The following IL17REL variants were observed in gnomAD, a reference collection of about 807,000 sequenced individuals.
The protein encoded by IL17REL is interleukin 17 receptor E like, also known as interleukin-17 receptor E-like protein.
In IL17REL, 36 loss-of-function variants were observed where a neutral mutation model predicts 49.0. That is an observed-to-expected ratio of 0.73 (90% CI 0.56 to 0.97). IL17REL has a LOEUF of 0.97. Among genes scored for constraint, IL17REL ranks in the 50% least tolerant of loss-of-function variants. The pLI, the probability that IL17REL is intolerant of heterozygous loss-of-function variation, is 0.00. For missense variants in IL17REL, 470 were observed against 453.9 expected (o/e 1.04, Z -0.32); for synonymous variants, 206 against 192.4 (o/e 1.07, Z -0.58).
At chr22:49,998,402 C>T in intron 7 of IL17REL, 93 bp from the exon 10 acceptor site, 1 of 1,218,624 alleles carries the variant, frequency 8.2e-7, no homozygotes, top group South Asian at 1.5e-5. Flanking sequence ...GACCACTGGG[C>T]CAGGGTCCAG....
intron 1 of IL17REL, among the ~76,000 whole-genome samples, chr22:50,006,334 T>A (rs1004305780): frequency 1.3e-5 from 2 of 152,044 alleles, no homozygotes; most frequent in Non-Finnish European, 2.9e-5. Context: ...GAATCTGGTT[T>A]AAACGGCCCC....
chr22:50,009,822 A>G (rs1051970025), upstream of IL17REL, among the ~76,000 whole-genome samples: 1 of 150,430 alleles, frequency 6.6e-6, no homozygotes. Context: ...TTAGATTTAC[A>G]GAGAGTTTAC....
At position 49,997,213 on chromosome 22, in the gene IL17REL, G is replaced by T; in HGVS notation, c.974+107C>A. The T allele has an allele frequency of 2.1e-6, 3 of 1,404,256 alleles. 1 individual carries two copies. The highest frequency in any genetic ancestry group is 3.0e-6 in the Non-Finnish European group (3 of 1,014,276). The allele number at this position is 1,404,256 out of a possible 1,614,324, so 87.0% of individuals were successfully genotyped here. On this transcript the variant is annotated intron_variant, in intron 11 of 12. Transcript: ENST00000341280. ...TCCCTGCCAGGTAGACTAGACCCTG[G>T]GTGGGCTCAGGGCCCGGGTGGGGCA...
exon 12 of IL17REL, chr22:49,997,002 A>G: frequency 6.6e-7 from 1 of 1,521,678 alleles, no homozygotes; most frequent in Admixed American, 2.2e-5. Flanking sequence ...ACCTGGATGC[A>G]GATGCCTGGG....
At position 49,999,736 on chromosome 22, in the gene IL17REL, C is replaced by CG. The variant is rs1481138685; in HGVS notation, c.474+91dup. ...CGGGGCGCGGGGGGTGGGCGGGGCG[C>CG]GGGGTGGGCGGGGCCTAAGGCTGAC... On this transcript the variant is annotated intron_variant, in intron 5 of 12. Transcript: ENST00000341280. The CG allele has an allele frequency of 7.4e-3, 3,877 of 527,418 alleles. 230 individuals carry two copies. Among genetic ancestry groups the CG allele is most frequent in the Admixed American group, 0.042 (165 of 3,918 alleles). 32.7% of individuals were successfully genotyped at this position (527,418 alleles called of 1,614,324 possible).
exon 5 of IL17REL, chr22:49,999,901 G>A: frequency 6.5e-7 from 1 of 1,541,178 alleles, no homozygotes; most frequent in African/African-American, 1.4e-5. Context: ...GGGGCTCCCG[G>A]AGGCCCTGGG....
At chr22:50,010,231 C>G (rs545947999), upstream of IL17REL, among the ~76,000 whole-genome samples, 1 of 152,368 alleles carries the variant, frequency 6.6e-6, no homozygotes, top group South Asian at 2.1e-4. Flanking sequence ...ATGGAAGCCC[C>G]GGCCTCGGCC....
At chr22:49,998,504 G>C (rs2061051553) in intron 7 of IL17REL, among the ~76,000 whole-genome samples, 195 bp from the exon 10 acceptor site, 1 of 152,196 alleles carries the variant, frequency 6.6e-6, no homozygotes, top group South Asian at 2.1e-4. Flanking sequence ...ATGTGCATGG[G>C]TGCGTGCGCC....
At chr22:50,004,150 C>T (rs1229390551) in intron 1 of IL17REL, among the ~76,000 whole-genome samples, 5 of 152,162 alleles carry the variant, frequency 3.3e-5, no homozygotes, top group Non-Finnish European at 7.3e-5. Context: ...GCGATCTCGG[C>T]TCACTGCAAC....
At chr22:49,999,629 G>A (rs9617028) in intron 5 of IL17REL, 127 bp from the exon 8 acceptor site, 3 of 615,160 alleles carry the variant, frequency 4.9e-6, no homozygotes, top group Non-Finnish European at 7.7e-6. Flanking sequence ...CCTGGCCGGG[G>A]GCGGGGCGCG....
At position 49,998,076 on chromosome 22, in the gene IL17REL, A is replaced by G. The variant is rs1601885388; in HGVS notation, c.775-7T>C. ...CCACCAGCGGGTACTGCACCTGAGGAGGGCTGGGGTCAGGCTGTGGCATCC... is the reference window on the plus strand; with the variant it reads ...CCACCAGCGGGTACTGCACCTGAGGGGGGCTGGGGTCAGGCTGTGGCATCC... On this transcript the variant is annotated splice_region_variant and splice_polypyrimidine_tract_variant and intron_variant, in intron 8 of 12. Transcript: ENST00000341280. 4.4e-6 allele frequency: 7 copies of G among 1,591,876 alleles called. No homozygotes were observed. Among genetic ancestry groups the G allele is most frequent in the Non-Finnish European group, 6.0e-6 (7 of 1,172,110 alleles).
exon 13 of IL17REL, chr22:49,996,706 C>A (rs1396435996): frequency 1.6e-5 from 5 of 321,594 alleles, no homozygotes; most frequent in Admixed American, 4.8e-5. Flanking sequence ...GTTTCCCCCA[C>A]CCAGTCTCCT....
intron 1 of IL17REL, among the ~76,000 whole-genome samples, chr22:50,001,719 A>G (rs1214413885): frequency 6.6e-6 from 1 of 152,234 alleles, no homozygotes; most frequent in Non-Finnish European, 1.5e-5. Flanking sequence ...TTCTGCTCTG[A>G]GACCAAACGC....
chr22:49,997,750 G>C lies in IL17REL; in HGVS notation c.820-8C>G. On this transcript the variant is annotated splice_region_variant and splice_polypyrimidine_tract_variant and intron_variant, in intron 9 of 12. Transcript: ENST00000341280. Reference sequence around the variant, plus strand: ...CCCCCAACTGGTAGAGAACTGCAAAGTGGGGTGAGGGGTGCAGGAGGGTGG... The same window carrying C: ...CCCCCAACTGGTAGAGAACTGCAAACTGGGGTGAGGGGTGCAGGAGGGTGG... 1 of 1,613,826 alleles carries C rather than the reference G, an allele frequency of 6.2e-7. No individual in the cohort carries two copies. The highest frequency in any genetic ancestry group is 8.5e-7 in the Non-Finnish European group (1 of 1,179,920).
chr22:49,991,853 G>A (rs552335887), downstream of IL17REL, among the ~76,000 whole-genome samples: 6 of 152,284 alleles, frequency 3.9e-5, no homozygotes, highest in Non-Finnish European at 7.4e-5. Context: ...TTGAGGACAC[G>A]AGCCCATGAC....
At chr22:49,997,929 T>G (rs1346191704) in intron 9 of IL17REL, 96 bp downstream of exon 11, 3 of 1,522,520 alleles carry the variant, frequency 2.0e-6, no homozygotes, top group Non-Finnish European at 1.8e-6. Context: ...GAGGCTAGGC[T>G]CCAGGGCTGG....
At chr22:50,002,275 C>T (rs1355396673) in intron 1 of IL17REL, among the ~76,000 whole-genome samples, 2 of 152,232 alleles carry the variant, frequency 1.3e-5, no homozygotes, top group East Asian at 1.9e-4. Context: ...TTGCTTCGGC[C>T]TGCTCCCGCT....
At chr22:49,998,290 C>T (rs1299945799) in exon 8 of IL17REL, 1 of 1,608,142 alleles carries the variant, frequency 6.2e-7, no homozygotes. Flanking sequence ...TGTCCCACAG[C>T]ACCTCCAGTG....
chr22:49,998,105 C>T (rs1236438760), intron 8 of IL17REL, 32 bp downstream of exon 10: 2 of 1,591,886 alleles, frequency 1.3e-6, no homozygotes, highest in Non-Finnish European at 1.7e-6. Flanking sequence ...GGCATCCATG[C>T]CCACCCCCAT....
Sources: allele counts gnomAD v4.1 joint callset (sites outside exome capture counted in the v4.1 genomes callset), GRCh38; gene constraint gnomAD v4.1.1; transcripts MANE v1.5; gene names NCBI Gene and HGNC (gene_info 2026-07-23, HGNC 2026-07-21).